MVB12B: variants seen among roughly 807,000 people sequenced by gnomAD.
MVB12B encodes multivesicular body subunit 12B.
A neutral mutation model predicts 41.6 loss-of-function variants in MVB12B; 16 were observed. The observed-to-expected ratio is 0.38, with a 90% CI of 0.26 to 0.58. MVB12B has a LOEUF of 0.58. Among genes scored for constraint, MVB12B ranks in the 20% least tolerant of loss-of-function variants. The pLI is 0.62. For synonymous variants in MVB12B, 133 were observed against 139.7 expected (o/e 0.95, Z 0.34); for missense variants, 274 against 380.2 (o/e 0.72, Z 2.32).
At chr9:126,420,062 T>G (rs1588157574) in intron 6 of MVB12B, among the ~76,000 whole-genome samples, 1 of 152,336 alleles carries the variant, frequency 6.6e-6, no homozygotes, top group East Asian at 1.9e-4. Flanking sequence ...GACTCCCTGG[T>G]GGGTGCCTTT....
chr9:126,399,850 T>A (rs1388949485), intron 6 of MVB12B, among the ~76,000 whole-genome samples: 1 of 152,216 alleles, frequency 6.6e-6, no homozygotes, highest in Non-Finnish European at 1.5e-5. Flanking sequence ...GCTGACGTGC[T>A]GAATGATAGA....
At position 126,395,106 on chromosome 9, in the gene MVB12B, C is replaced by T. The variant is rs542052219; in HGVS notation, c.540-469C>T. 1.3e-5 allele frequency among the ~76,000 whole-genome samples: 2 copies of T among 152,276 alleles called. No homozygotes were observed. Among genetic ancestry groups the T allele is most frequent in the East Asian group, 1.9e-4 (1 of 5,180 alleles). On this transcript the variant is annotated intron_variant, in intron 5 of 9. Transcript: ENST00000361171. The surrounding 1 kb of genome is among the most constrained non-coding windows in gnomAD (Gnocchi z 4.9). ...AAACTGACCCTGAGAATGAGTCCAA[C>T]GGCAGGTGACACCCAGCTGCAAGAG...
At chr9:126,381,712 G>A (rs1830642685) in intron 3 of MVB12B, among the ~76,000 whole-genome samples, 1 of 151,352 alleles carries the variant, frequency 6.6e-6, no homozygotes, top group Non-Finnish European at 1.5e-5. Flanking sequence ...TGTAAATTAG[G>A]AAACTTTAAA....
intron 2 of MVB12B, among the ~76,000 whole-genome samples, chr9:126,357,688 C>T (rs1164874895): frequency 6.6e-6 from 1 of 151,136 alleles, no homozygotes; most frequent in Non-Finnish European, 1.5e-5. Context: ...GGTTATTTGT[C>T]TTATTCAGTT....
At chr9:126,397,958 G>T (rs1285654389) in intron 6 of MVB12B, among the ~76,000 whole-genome samples, 1 of 151,986 alleles carries the variant, frequency 6.6e-6, no homozygotes, top group Non-Finnish European at 1.5e-5. Flanking sequence ...TATAGGGTAA[G>T]GCAGGCCCCT....
chr9:126,500,081 A>G (rs1833922834), intron 9 of MVB12B, among the ~76,000 whole-genome samples: 1 of 152,164 alleles, frequency 6.6e-6, no homozygotes, highest in Admixed American at 6.5e-5. Flanking sequence ...GCCCGGGCCT[A>G]GGCTCTCTGG....
At chr9:126,439,832 C>G (rs1365039072) in intron 7 of MVB12B, among the ~76,000 whole-genome samples, 3 of 152,208 alleles carry the variant, frequency 2.0e-5, no homozygotes, top group Non-Finnish European at 4.4e-5. Context: ...ATTAAGTGGA[C>G]AGACTTTATA....
intron 6 of MVB12B, among the ~76,000 whole-genome samples, chr9:126,419,850 G>A (rs780632951): frequency 1.3e-5 from 2 of 152,202 alleles, no homozygotes; most frequent in Admixed American, 1.3e-4. Flanking sequence ...GTCAGGGCCT[G>A]TGAATCTGTG....
chr9:126,326,966 C>T lies in MVB12B; in HGVS notation c.37C>T (p.Pro13Ser). 3.9e-6 allele frequency: 1 copy of T among 257,012 alleles called. No homozygotes were observed. The allele number at this position is 257,012 out of a possible 1,614,324, so 15.9% of individuals were successfully genotyped here. A position where few individuals can be genotyped will look rare whatever the true frequency, so the allele number is the denominator to read the frequency against. Residue 13 changes from proline (P) to serine (S), a missense_variant, in exon 1 of 10, where the codon CCG becomes TCG. By Grantham distance (74) the Pro-to-Ser change is moderately conservative (BLOSUM62 -1). Coordinates refer to ENST00000361171, the MANE Select transcript of MVB12B (RefSeq NM_033446.3). Reference protein sequence around the residue: ...SCFCVRRSRDPPPPQPPPPPP... With the variant: ...SCFCVRRSRDSPPPQPPPPPP... ...CTTCTGCGTGAGACGGAGCCGGGAC[C>T]CGCCGCCGCCGCAGCCACCGCCGCC...
chr9:126,385,166 C>T (rs879360753), intron 3 of MVB12B, among the ~76,000 whole-genome samples: 2 of 152,030 alleles, frequency 1.3e-5, no homozygotes, highest in Non-Finnish European at 1.5e-5. Context: ...CTGAGTGGCC[C>T]GGTTGAAAAA....
chr9:126,455,282 G>A (rs1326249520), intron 7 of MVB12B, among the ~76,000 whole-genome samples: 1 of 151,916 alleles, frequency 6.6e-6, no homozygotes, highest in Non-Finnish European at 1.5e-5. Context: ...CCGCCTCCCG[G>A]GTTCAAGTGA....
chr9:126,350,933 G>T (rs1829729149), intron 2 of MVB12B, among the ~76,000 whole-genome samples: 1 of 152,144 alleles, frequency 6.6e-6, no homozygotes, highest in Admixed American at 6.6e-5. Context: ...ACTTGTTGGG[G>T]TTTTAATGGC....
At chr9:126,482,292 G>T (rs1189001014) in intron 8 of MVB12B, among the ~76,000 whole-genome samples, 1 of 152,252 alleles carries the variant, frequency 6.6e-6, no homozygotes, top group Non-Finnish European at 1.5e-5. Flanking sequence ...TAATAAACAT[G>T]AAGGCCCCAG....
At chr9:126,438,839 G>A (rs1329592556) in intron 7 of MVB12B, among the ~76,000 whole-genome samples, 1 of 152,164 alleles carries the variant, frequency 6.6e-6, no homozygotes, top group Non-Finnish European at 1.5e-5. Flanking sequence ...TTACAAAAGA[G>A]CCCATCACAT....
Position 126,386,742 on chromosome 9 carries a change from T to C in MVB12B, c.409+84T>C. ...TGTAGGTGTTTTTCTATGTGCATTT[T>C]TCTTCAGAAACACTTTTGGAGGCCT... On this transcript the variant is annotated intron_variant, in intron 4 of 9. Transcript: ENST00000361171. This position sits in a 1 kb window ranked among gnomAD's most constrained non-coding sequence, Gnocchi z 4.3. 1 of 1,028,846 alleles carries C rather than the reference T, an allele frequency of 9.7e-7. No individual in the cohort carries two copies. Among genetic ancestry groups the C allele is most frequent in the East Asian group, 2.5e-5 (1 of 39,676 alleles). The allele number at this position is 1,028,846 out of a possible 1,614,324, so 63.7% of individuals were successfully genotyped here. A position where few individuals can be genotyped will look rare whatever the true frequency, so the allele number is the denominator to read the frequency against.
chr9:126,410,893 T>G (rs1831627980), intron 6 of MVB12B, among the ~76,000 whole-genome samples: 1 of 150,014 alleles, frequency 6.7e-6, no homozygotes, highest in African/African-American at 2.4e-5. Context: ...TATTTCTTTT[T>G]TTTTTTTTTT....
chr9:126,475,894 T>C (rs1833409621), intron 7 of MVB12B, among the ~76,000 whole-genome samples: 1 of 152,200 alleles, frequency 6.6e-6, no homozygotes, highest in Non-Finnish European at 1.5e-5. Context: ...TAGAAGAACA[T>C]AGGGAGCATC....
chr9:126,464,868 G>A (rs1176899566), intron 7 of MVB12B, among the ~76,000 whole-genome samples: 6 of 152,176 alleles, frequency 3.9e-5, no homozygotes, highest in Admixed American at 3.3e-4. Flanking sequence ...TCCTTCTGGG[G>A]GGCATGGGAA....
intron 7 of MVB12B, among the ~76,000 whole-genome samples, chr9:126,450,189 T>C (rs1173864589): frequency 6.6e-6 from 1 of 152,206 alleles, no homozygotes; most frequent in Non-Finnish European, 1.5e-5. Context: ...CTCCCTGCAC[T>C]GTGCAGAGCA....
Sources: gnomAD v4.1 joint callset for allele counts (sites outside exome capture counted in the v4.1 genomes callset) on GRCh38, gnomAD v4.1.1 for gene constraint, Gnocchi (gnomAD v3.1) non-coding constraint, MANE v1.5 for transcripts, NCBI Gene and HGNC (gene_info 2026-07-23, HGNC 2026-07-21) for gene names.